The following DPP8 variants were observed in gnomAD, a reference collection of about 807,000 sequenced individuals.
The protein encoded by DPP8 is dipeptidyl peptidase 8, also known as DPP VIII.
Under a neutral mutation model 107.5 loss-of-function variants are expected in DPP8, and 31 were observed. The observed-to-expected ratio is 0.29, with a 90% CI of 0.22 to 0.39. The LOEUF is 0.39. Among genes scored for constraint, DPP8 ranks in the 10% least tolerant of loss-of-function variants. The pLI is 1.00. For missense variants in DPP8, 842 were observed against 1,076.1 expected, an observed-to-expected ratio of 0.78 and a Z score of 3.04; for synonymous variants, 381 against 356.6, an observed-to-expected ratio of 1.07 and a Z score of -0.77.
chr15:65,513,300 G>A (rs352475), intron 1 of DPP8, among the ~76,000 whole-genome samples: 133,897 of 152,014 alleles, frequency 0.88, 59,762 homozygotes, highest in East Asian at 0.95. Context: ...TGCAAGCTCC[G>A]CCTCCCAGGT....
chr15:65,455,658 G>A, intron 16 of DPP8: 1 of 1,184,378 alleles, frequency 8.4e-7, no homozygotes. Context: ...ACTTACATGA[G>A]AATACAACAT....
At chr15:65,475,905 C>T (rs2066343407) in intron 11 of DPP8, among the ~76,000 whole-genome samples, 1 of 152,144 alleles carries the variant, frequency 6.6e-6, no homozygotes, top group African/African-American at 2.4e-5. Context: ...CATGCCACCA[C>T]ACTTGGTTAA....
Position 65,456,300 on chromosome 15 carries a change from A to G in DPP8, c.2043T>C (p.Tyr681=). The change falls in exon 16 of 20, where the codon TAT becomes TAC. Residue 681 remains tyrosine, a synonymous_variant. Transcript: ENST00000300141. The part of the protein sequence containing the change: ...FRLNTLASLG[Y]VVVVIDNRGS... ...CCCTGTTGTCTATCACTACAACCAC[A>G]TAACCTAGAGAGGCTAGGGTATTCA... The G allele has an allele frequency of 6.2e-7, 1 of 1,614,148 alleles. No homozygotes were observed.
At chr15:65,483,878 T>C (rs1009271456) in intron 8 of DPP8, among the ~76,000 whole-genome samples, 15 of 152,166 alleles carry the variant, frequency 9.9e-5, no homozygotes, top group African/African-American at 3.4e-4. Flanking sequence ...ATAAAGGTAT[T>C]ATTCATCAAT....
chr15:65,500,094 G>T (rs1185934217), intron 4 of DPP8, among the ~76,000 whole-genome samples: 1 of 151,872 alleles, frequency 6.6e-6, no homozygotes, highest in African/African-American at 2.4e-5. Context: ...TAGAGACAGG[G>T]TCTCTCTCTG....
chr15:65,498,925 G>C (rs901780756), intron 4 of DPP8, among the ~76,000 whole-genome samples: 2 of 151,874 alleles, frequency 1.3e-5, no homozygotes, highest in African/African-American at 4.8e-5. Context: ...GGGTGTGGTG[G>C]CACATATCTG....
chr15:65,506,161 C>T (rs1431405690), intron 3 of DPP8, among the ~76,000 whole-genome samples: 1 of 151,160 alleles, frequency 6.6e-6, no homozygotes, highest in Non-Finnish European at 1.5e-5. Flanking sequence ...GAAACTGTGG[C>T]TCTACTAAAA....
At chr15:65,464,366 AAAAT>A (rs2065165912) in intron 14 of DPP8, among the ~76,000 whole-genome samples, 1 of 151,864 alleles carries the variant, frequency 6.6e-6, no homozygotes, top group East Asian at 1.9e-4. Context: ...CCATCTCAAA[AAAAT>A]AAATAAATAA....
chr15:65,516,016 C>T (rs928955248), intron 1 of DPP8: 1 of 406,792 alleles, frequency 2.5e-6, no homozygotes, highest in African/African-American at 2.1e-5. Context: ...AAAAGAATAT[C>T]CTAACATAGC....
chr15:65,466,894 A>G, intron 13 of DPP8, 81 bp from the exon 14 acceptor site: 1 of 1,448,720 alleles, frequency 6.9e-7, no homozygotes, highest in South Asian at 1.2e-5. Flanking sequence ...CTAATGATAT[A>G]GCAAGAGTAT....
intron 19 of DPP8, among the ~76,000 whole-genome samples, chr15:65,448,651 G>A (rs2140302620): frequency 1.8e-5 from 2 of 113,920 alleles, no homozygotes; most frequent in South Asian, 5.4e-4. Context: ...CAGCCTGGGT[G>A]ACAGAGCGAA....
rs188671232 is a variant in DPP8, at chr15:65,456,426, A to T, written c.1972-55T>A. The T allele has an allele frequency of 8.4e-6, 13 of 1,545,908 alleles. No homozygotes were observed. The Admixed American group carries it at 2.6e-4, about 31-fold the overall frequency. ...ATATGGAAGCATATAAAAACCCAAG[A>T]GCGGCTGGGCATTGCAAGAAATAGA... is the stretch of plus-strand genomic sequence containing the variant. On this transcript the variant is annotated intron_variant, in intron 15 of 19. Coordinates refer to ENST00000300141, the MANE Select transcript of DPP8 (RefSeq NM_130434.5).
chr15:65,452,958 G>A (rs981492546), intron 17 of DPP8, among the ~76,000 whole-genome samples: 3 of 151,958 alleles, frequency 2.0e-5, no homozygotes, highest in African/African-American at 7.3e-5. Context: ...GTGACAGCAA[G>A]ACTCTGTCTC....
In DPP8 at chr15:65,451,976, C is replaced by T; in HGVS notation, c.2398G>A (p.Glu800Lys). The stretch of plus-strand genomic sequence containing the variant: ...TGCACTTACTCAGAGGGGAACTTTT[C>T]TGCTTGCATGGCCACAGATCCTAAG... ...YYLGSVAMQA[E>K]KFPSEPNRLL... Residue 800 changes from glutamate to lysine, a missense_variant, in exon 18 of 20, where the codon GAA becomes AAA. Transcript: ENST00000300141. The T allele has an allele frequency of 1.3e-6, 2 of 1,580,664 alleles. No individual in the cohort carries two copies. The highest frequency in any genetic ancestry group is 8.6e-7 in the Non-Finnish European group (1 of 1,164,238).
chr15:65,502,535 G>A (rs1045103851), intron 3 of DPP8, among the ~76,000 whole-genome samples: 4 of 151,948 alleles, frequency 2.6e-5, no homozygotes, highest in Non-Finnish European at 4.4e-5. Context: ...AAAATTAGCC[G>A]AGCATGCTGG....
In DPP8 at chr15:65,512,454, G is replaced by T. The variant is rs1567303439; in HGVS notation, c.100C>A (p.Pro34Thr). 6.2e-6 allele frequency: 10 copies of T among 1,613,980 alleles called. No individual in the cohort carries two copies. Among genetic ancestry groups the T allele is most frequent in the African/African-American group, 1.3e-5 (1 of 74,864 alleles). The change falls in exon 2 of 20, where the codon CCT becomes ACT. Residue 34 changes from proline to threonine, a missense_variant. Around this residue, in one of 2 missense-constraint regions of DPP8, gnomAD observed 663 missense variants for 758.0 expected, o/e 0.87. Transcript: ENST00000300141. ...CAGGAATACCGCTCAACATAAAAAG[G>T]CTCCAATTTAGGCCGATCCTGTGAT... Reference protein sequence around the residue: ...IESQDRPKLEPFYVERYSWSQ... With the variant: ...IESQDRPKLETFYVERYSWSQ...
chr15:65,477,057 A>G (rs956887074), intron 11 of DPP8, among the ~76,000 whole-genome samples: 1 of 152,166 alleles, frequency 6.6e-6, no homozygotes, highest in African/African-American at 2.4e-5. Flanking sequence ...TGACTATTTA[A>G]TGGATAGTTT....
At chr15:65,451,205 C>G in intron 18 of DPP8, 95 bp from the exon 19 acceptor site, 1 of 724,730 alleles carries the variant, frequency 1.4e-6, no homozygotes, top group Non-Finnish European at 2.4e-6. Context: ...ATATTAACTT[C>G]CTTATACTGT....
Position 65,512,366 on chromosome 15 carries a change from G to A in DPP8, c.188C>T (p.Ala63Val), listed in dbSNP as rs761904006. 2.5e-6 allele frequency: 4 copies of A among 1,614,012 alleles called. No homozygotes were observed. The highest frequency in any genetic ancestry group is 3.3e-4 in the Middle Eastern group (2 of 6,062). ...CTTCACAAACATGAAATCATGTGGT[G>A]CCTTAGCCATCATGTAGCCATGATA... The part of the protein sequence containing the change: ...RKYHGYMMAK[A>V]PHDFMFVKRN... The change falls in exon 2 of 20, where the codon GCA (alanine) becomes GTA (valine). Residue 63 changes from alanine (A) to valine (V), a missense_variant. By Grantham distance (64) the Ala-to-Val change is moderately conservative. Around this residue, in one of 2 missense-constraint regions of DPP8, gnomAD observed 663 missense variants for 758.0 expected, o/e 0.87. Coordinates refer to ENST00000300141, the MANE Select transcript of DPP8 (RefSeq NM_130434.5).
Sources: gnomAD v4.1 joint callset for allele counts (sites outside exome capture counted in the v4.1 genomes callset) on GRCh38, gnomAD v4.1.1 for gene constraint, gnomAD v4.1.1 regional missense constraint, MANE v1.5 for transcripts, NCBI Gene and HGNC (gene_info 2026-07-23, HGNC 2026-07-21) for gene names.